The following LRRC1 variants were observed in gnomAD, a reference collection of about 807,000 sequenced individuals.
LRRC1 encodes the protein leucine-rich repeat-containing protein 1.
Under a neutral mutation model 69.9 loss-of-function variants are expected in LRRC1, and 28 were observed. That is an observed-to-expected ratio of 0.40 (90% CI 0.30 to 0.55). The LOEUF (loss-of-function observed/expected upper bound fraction) is 0.55. Among genes scored for constraint, LRRC1 ranks in the 20% least tolerant of loss-of-function variants. The pLI, the probability that LRRC1 is intolerant of heterozygous loss-of-function variation, is 0.47. For synonymous variants in LRRC1, 236 were observed against 240.2 expected (o/e 0.98, Z 0.16); for missense variants, 498 against 609.0 (o/e 0.82, Z 1.92).
intron 1 of LRRC1, 151 bp from the exon 2 acceptor site, chr6:53,841,959 C>T (rs1254642037): frequency 1.9e-6 from 1 of 530,682 alleles, no homozygotes; most frequent in African/African-American, 1.9e-5. Flanking sequence ...GTAACATCTT[C>T]ACAACTACAG....
At chr6:53,848,643 A>G (rs541517143) in intron 2 of LRRC1, among the ~76,000 whole-genome samples, 3 of 152,312 alleles carry the variant, frequency 2.0e-5, no homozygotes, top group South Asian at 4.1e-4. Context: ...TTGTCAGAAC[A>G]TATATATGGA....
intron 10 of LRRC1, 131 bp from the exon 11 acceptor site, chr6:53,913,723 A>C (rs1168202936): frequency 2.1e-6 from 1 of 475,802 alleles, no homozygotes; most frequent in Non-Finnish European, 3.7e-6. Flanking sequence ...GTTGGTCATC[A>C]GTGAGACCGG....
intron 10 of LRRC1, among the ~76,000 whole-genome samples, chr6:53,905,978 A>G (rs1443779426): frequency 1.3e-5 from 2 of 152,208 alleles, no homozygotes; most frequent in Non-Finnish European, 2.9e-5. Flanking sequence ...GAACAGTTGA[A>G]TTTACTCTTG....
intron 1 of LRRC1, among the ~76,000 whole-genome samples, chr6:53,816,739 A>G (rs1369228732): frequency 2.0e-5 from 3 of 152,162 alleles, no homozygotes; most frequent in Admixed American, 6.5e-5. Flanking sequence ...AGAGGGAAGG[A>G]TAAAAAATGT....
intron 2 of LRRC1, among the ~76,000 whole-genome samples, chr6:53,878,025 A>G (rs1182885862): frequency 6.6e-6 from 1 of 152,196 alleles, no homozygotes. Context: ...AGGCCTCACA[A>G]TCACGGTGGA....
chr6:53,857,767 T>G (rs1251563519), intron 2 of LRRC1, among the ~76,000 whole-genome samples: 1 of 152,204 alleles, frequency 6.6e-6, no homozygotes, highest in Non-Finnish European at 1.5e-5. Context: ...CATTGCTTGT[T>G]GTTTTATGCT....
intron 2 of LRRC1, among the ~76,000 whole-genome samples, chr6:53,868,258 G>A (rs1325254551): frequency 7.3e-6 from 1 of 137,076 alleles, no homozygotes; most frequent in African/African-American, 2.8e-5. Context: ...GTTTCACTCT[G>A]TGCCTTAGGC....
At chr6:53,846,609 T>C (rs1765953538) in intron 2 of LRRC1, among the ~76,000 whole-genome samples, 1 of 152,144 alleles carries the variant, frequency 6.6e-6, no homozygotes, top group African/African-American at 2.4e-5. Context: ...AACAGGCAAA[T>C]GTCTAAAACA....
chr6:53,854,112 C>G (rs1766234726), intron 2 of LRRC1, among the ~76,000 whole-genome samples: 2 of 152,210 alleles, frequency 1.3e-5, no homozygotes. Context: ...CAACTCTGAC[C>G]TGGTTAGCCA....
chr6:53,882,663 A>G (rs1476928789), intron 3 of LRRC1, among the ~76,000 whole-genome samples: 5 of 152,108 alleles, frequency 3.3e-5, no homozygotes. Flanking sequence ...CACCATAACA[A>G]TGTGTTTATC....
intron 1 of LRRC1, among the ~76,000 whole-genome samples, chr6:53,827,326 A>AAC (rs67127472): frequency 6.6e-6 from 1 of 151,626 alleles, no homozygotes; most frequent in Non-Finnish European, 1.5e-5. Context: ...AAAAAAAAAA[A>AAC]CAGTTGAAGT....
In LRRC1 at chr6:53,923,573, T is replaced by A. The variant is rs1350762462; in HGVS notation, c.*780T>A. 1 of 152,660 alleles carries A rather than the reference T, an allele frequency of 6.6e-6. No individual in the cohort carries two copies. Among genetic ancestry groups the A allele is most frequent in the African/African-American group, 2.4e-5 (1 of 41,472 alleles). The allele number at this position is 152,660 out of a possible 1,614,324, so 9.5% of individuals were successfully genotyped here. A position where few individuals can be genotyped will look rare whatever the true frequency, so the allele number is the denominator to read the frequency against. On this transcript the variant is annotated 3_prime_UTR_variant, in exon 14 of 14. Coordinates refer to ENST00000370888, the MANE Select transcript of LRRC1 (RefSeq NM_018214.5). ...ATTTGTAATTATATCAGTTGATTTTTTTTGAAAAGATGAACCAAAGGATTT... is the reference window on the plus strand; with the variant it reads ...ATTTGTAATTATATCAGTTGATTTTATTTGAAAAGATGAACCAAAGGATTT...
intron 1 of LRRC1, among the ~76,000 whole-genome samples, chr6:53,836,479 A>G (rs1765616442): frequency 6.6e-6 from 1 of 152,124 alleles, no homozygotes; most frequent in Non-Finnish European, 1.5e-5. Context: ...TATTATCATT[A>G]TCATTGTTGT....
chr6:53,922,670 G>A lies in LRRC1; in HGVS notation c.1452G>A (p.Gly484=). The change falls in exon 14 of 14, where the codon GGG becomes GGA. Residue 484 remains glycine (G), a synonymous_variant. Coordinates refer to ENST00000370888, the MANE Select transcript of LRRC1 (RefSeq NM_018214.5). ...TAAGGCGAGCCACTCCACACCCAGG[G>A]GAGTTAAAGCACATGAAAAAGACAG... ...TLLRRATPHP[G]ELKHMKKTVE... The A allele has an allele frequency of 6.2e-7, 1 of 1,613,958 alleles. No individual in the cohort carries two copies. The highest frequency in any genetic ancestry group is 8.5e-7 in the Non-Finnish European group (1 of 1,179,926).
At chr6:53,903,856 A>AC (rs1441583600) in intron 9 of LRRC1, among the ~76,000 whole-genome samples, 1 of 151,926 alleles carries the variant, frequency 6.6e-6, no homozygotes, top group African/African-American at 2.4e-5. Flanking sequence ...AGTGTTGAAG[A>AC]CCCCCATGTG....
At chr6:53,873,702 A>G (rs1361646480) in intron 2 of LRRC1, among the ~76,000 whole-genome samples, 2 of 152,054 alleles carry the variant, frequency 1.3e-5, no homozygotes, top group Non-Finnish European at 2.9e-5. Context: ...AGGGTTTTCT[A>G]TATGTAAAAT....
Position 53,922,721 on chromosome 6 carries a change from T to A in LRRC1, c.1503T>A (p.Asn501Lys), listed in dbSNP as rs778350045. The A allele has an allele frequency of 6.2e-6, 10 of 1,614,098 alleles. No individual in the cohort carries two copies. The East Asian group carries it at 2.2e-4, about 36-fold the overall frequency. ...KTVENLRNDM[N>K]AAKGLDSNKN... ...TGGAGAATTTACGGAATGACATGAA[T>A]GCTGCTAAAGGACTGGACTCAAACA... Residue 501 changes from asparagine to lysine, a missense_variant, in exon 14 of 14, where the codon AAT becomes AAA. Transcript: ENST00000370888.
intron 11 of LRRC1, 140 bp from the exon 12 acceptor site, chr6:53,919,358 A>G: frequency 1.5e-6 from 1 of 686,190 alleles, no homozygotes; most frequent in Non-Finnish European, 2.3e-6. Context: ...GCGTCTTAAA[A>G]ACATAACACC....
intron 1 of LRRC1, among the ~76,000 whole-genome samples, chr6:53,796,340 G>A (rs1254310636): frequency 2.0e-5 from 3 of 152,356 alleles, no homozygotes; most frequent in South Asian, 4.1e-4. Context: ...CGGGAACTTA[G>A]CTAGAGTAAC....
Sources: allele counts gnomAD v4.1 joint callset (sites outside exome capture counted in the v4.1 genomes callset), GRCh38; gene constraint gnomAD v4.1.1; transcripts MANE v1.5; gene names NCBI Gene and HGNC (gene_info 2026-07-23, HGNC 2026-07-21).